The following MKLN1 variants were observed in gnomAD, a reference collection of about 807,000 sequenced individuals.
MKLN1 encodes muskelin.
MKLN1 carries 18 observed loss-of-function variants against 99.0 expected under a neutral mutation model. The ratio of observed to expected loss-of-function variants is 0.18; its 90% CI spans 0.13 to 0.27. The LOEUF (loss-of-function observed/expected upper bound fraction) is 0.27, where lower values mean the gene tolerates loss of function less well. MKLN1 is among the 10% of genes least tolerant of loss of function. MKLN1 has a pLI of 1.00. For synonymous variants in MKLN1, 288 were observed against 293.2 expected (o/e 0.98, Z 0.18); for missense variants, 621 against 875.9 (o/e 0.71, Z 3.67).
In MKLN1 at chr7:131,243,046, G is replaced by C. The variant is rs1246235447; in HGVS notation, c.-179+40072G>C. ...TAAAAATTAAACAGAAAAAAAAAAG[G>C]AAAGTTCACAGATGGCCAAACTTTT... is the stretch of plus-strand genomic sequence containing the variant. On this transcript the variant is annotated intron_variant, in intron 3 of 7. Coordinates refer to the MKLN1 transcript ENST00000416992. The C allele has an allele frequency of 5.6e-6, 3 of 540,040 alleles. No individual in the cohort carries two copies. The Admixed American group carries it at 6.8e-5, about 12-fold the overall frequency. 33.5% of individuals were successfully genotyped at this position (540,040 alleles called of 1,614,324 possible).
At chr7:131,193,728 T>C (rs1796601908) in intron 2 of MKLN1, among the ~76,000 whole-genome samples, 2 of 152,020 alleles carry the variant, frequency 1.3e-5, no homozygotes, top group Non-Finnish European at 2.9e-5. Flanking sequence ...GGCACCATCA[T>C]GGCTCACGGC....
chr7:131,261,683 C>G (rs565204513), intron 3 of MKLN1, among the ~76,000 whole-genome samples: 5 of 152,312 alleles, frequency 3.3e-5, no homozygotes, highest in African/African-American at 1.2e-4. Flanking sequence ...GCCATAATGA[C>G]ACATGCATGC....
chr7:131,346,940 T>C (rs1304176233), intron 1 of MKLN1, among the ~76,000 whole-genome samples: 1 of 152,042 alleles, frequency 6.6e-6, no homozygotes, highest in Admixed American at 6.5e-5. Flanking sequence ...TAATGAAAAA[T>C]TGAAATGGAG....
In MKLN1 at chr7:131,169,770, T is replaced by C. The variant is rs184550087; in HGVS notation, c.-297+26829T>C. Reference sequence around the variant, plus strand: ...ATTTTTCCATTTAATAACTCATTTATTTTCAAGCAATAGTCTGTTGAATAA... The same window carrying C: ...ATTTTTCCATTTAATAACTCATTTACTTTCAAGCAATAGTCTGTTGAATAA... On this transcript the variant is annotated intron_variant, in intron 2 of 7. Transcript: ENST00000416992. Among the ~76,000 whole-genome samples, 56 of 152,364 alleles carry C rather than the reference T, an allele frequency of 3.7e-4. No homozygotes were observed. The East Asian group carries it at 4.2e-3, about 12-fold the overall frequency.
rs3079482 is a variant in MKLN1, at chr7:131,492,734, CAAA to C, written c.*5023_*5025del. On this transcript the variant is annotated 3_prime_UTR_variant, in exon 18 of 18. Coordinates refer to ENST00000352689, the MANE Select transcript of MKLN1 (RefSeq NM_013255.5). Reference sequence around the variant, plus strand: ...TGGGCAACAGAGCAAGACCCTGTCTCAAAAAAAAAAAAAAAAAAAGAATGTGAA... The same window carrying C: ...TGGGCAACAGAGCAAGACCCTGTCTCAAAAAAAAAAAAAAAAGAATGTGAA... The C allele has an allele frequency of 1.9e-4, 22 of 117,178 alleles. No individual in the cohort carries two copies. The highest frequency in any genetic ancestry group is 1.9e-4 in the Non-Finnish European group (11 of 58,156). The allele number at this position is 117,178 out of a possible 1,614,324, so 7.3% of individuals were successfully genotyped here.
intron 8 of MKLN1, among the ~76,000 whole-genome samples, chr7:131,427,377 A>G (rs1795388938): frequency 6.6e-6 from 1 of 152,278 alleles, no homozygotes; most frequent in Non-Finnish European, 1.5e-5. Flanking sequence ...TGTAACTTAG[A>G]TGACAGCTTC....
intron 8 of MKLN1, among the ~76,000 whole-genome samples, chr7:131,416,233 A>G (rs1367467819): frequency 6.6e-6 from 1 of 152,238 alleles, no homozygotes; most frequent in Admixed American, 6.5e-5. Context: ...TTTAACATTT[A>G]AAGTTCACCT....
intron 4 of MKLN1, among the ~76,000 whole-genome samples, chr7:131,394,665 A>T (rs1794304581): frequency 6.6e-6 from 1 of 151,982 alleles, no homozygotes. Flanking sequence ...AAAAATATAT[A>T]AAAGTATCAT....
intron 1 of MKLN1, 94 bp downstream of exon 1, chr7:131,328,091 C>A: frequency 3.4e-6 from 5 of 1,457,924 alleles, no homozygotes; most frequent in Non-Finnish European, 4.7e-6. Flanking sequence ...GCCGAGAGGC[C>A]CAGGCGGGGC....
intron 2 of MKLN1, among the ~76,000 whole-genome samples, chr7:131,177,877 G>T (rs932277552): frequency 3.3e-5 from 5 of 152,182 alleles, no homozygotes; most frequent in African/African-American, 1.2e-4. Context: ...TTGGAGGTAG[G>T]AAGTCCAGGA....
At chr7:131,455,871 C>A (rs960345523) in intron 12 of MKLN1, among the ~76,000 whole-genome samples, 1 of 152,028 alleles carries the variant, frequency 6.6e-6, no homozygotes, top group African/African-American at 2.4e-5. Flanking sequence ...CATAGTGAAA[C>A]CCCGGCTGTA....
At chr7:131,413,654 C>T (rs982760606) in intron 7 of MKLN1, among the ~76,000 whole-genome samples, 7 of 152,084 alleles carry the variant, frequency 4.6e-5, no homozygotes, top group Admixed American at 2.0e-4. Context: ...ATTCTCCTGC[C>T]TCAGCCTCCT....
At chr7:131,327,740 G>T, upstream of MKLN1, 1 of 1,320,224 alleles carries the variant, frequency 7.6e-7, no homozygotes, top group South Asian at 1.5e-5. Flanking sequence ...GGGAAACCCT[G>T]AGATAGGACA....
In MKLN1 at chr7:131,457,484, A is replaced by T. The variant is rs1261690686; in HGVS notation, c.1526-5733A>T. On this transcript the variant is annotated intron_variant, in intron 12 of 17. Transcript: ENST00000352689. ...TATGAGTGAATTAATCAGTTGGAAG[A>T]TTAGCAAGAGCACTCTTCCAGGAAA... Among the ~76,000 whole-genome samples, 2 of 152,216 alleles carry T rather than the reference A, an allele frequency of 1.3e-5. 1 individual carries two copies. The highest frequency in any genetic ancestry group is 2.9e-5 in the Non-Finnish European group (2 of 68,038).
chr7:131,262,514 C>A (rs1453611178), intron 3 of MKLN1, among the ~76,000 whole-genome samples: 1 of 152,086 alleles, frequency 6.6e-6, no homozygotes, highest in Non-Finnish European at 1.5e-5. Context: ...CAAACAAGAT[C>A]CACTATTTCA....
intron 1 of MKLN1, among the ~76,000 whole-genome samples, chr7:131,349,940 T>C (rs985587827): frequency 6.6e-6 from 1 of 152,208 alleles, no homozygotes; most frequent in African/African-American, 2.4e-5. Flanking sequence ...CCAAAGTGTT[T>C]TGAATCCTTA....
chr7:131,411,937 A>AAAAAAAAAAAAAAC, intron 7 of MKLN1, among the ~76,000 whole-genome samples: 1 of 135,562 alleles, frequency 7.4e-6, no homozygotes, highest in Non-Finnish European at 1.6e-5. Flanking sequence ...AAAAAAAAAA[A>AAAAAAAAAAAAAAC]TTAGCCAGAC....
At chr7:131,256,430 T>TA (rs1344491443) in intron 3 of MKLN1, among the ~76,000 whole-genome samples, 3 of 152,214 alleles carry the variant, frequency 2.0e-5, no homozygotes, top group Non-Finnish European at 4.4e-5. Flanking sequence ...AGACACTATA[T>TA]ATGCATAATC....
At chr7:131,477,764 A>G in intron 16 of MKLN1, among the ~76,000 whole-genome samples, 1 of 152,262 alleles carries the variant, frequency 6.6e-6, no homozygotes. Flanking sequence ...CTGCAAGCAT[A>G]GATGTGAAAT....
Sources: allele counts gnomAD v4.1 joint callset (sites outside exome capture counted in the v4.1 genomes callset), GRCh38; gene constraint gnomAD v4.1.1; transcripts MANE v1.5; gene names NCBI Gene and HGNC (gene_info 2026-07-23, HGNC 2026-07-21).